DOK5: variants seen among roughly 807,000 people sequenced by gnomAD.
DOK5 encodes the protein docking protein 5.
In DOK5, 27 loss-of-function variants were observed where a neutral mutation model predicts 43.3. The observed-to-expected ratio is 0.62, with a 90% CI of 0.46 to 0.86. The LOEUF (loss-of-function observed/expected upper bound fraction) is 0.86. DOK5 is among the 40% of genes least tolerant of loss of function. The pLI is 0.00. For synonymous variants in DOK5, 146 were observed against 140.1 expected (o/e 1.04, Z -0.30); for missense variants, 373 against 392.9 (o/e 0.95, Z 0.43).
In DOK5 at chr20:54,606,907, C is replaced by T. The variant is rs141977652; in HGVS notation, c.600-3481C>T. Among the ~76,000 whole-genome samples the T allele has an allele frequency of 2.0e-5, 3 of 152,292 alleles. No homozygotes were observed. The East Asian group carries it at 5.8e-4, about 29-fold the overall frequency. ...GGCCTCATTTCTGTTCTATTTAGAGCTCTTAATGCATTTTGTGTCTTTAAT... is the reference window on the plus strand; with the variant it reads ...GGCCTCATTTCTGTTCTATTTAGAGTTCTTAATGCATTTTGTGTCTTTAAT... On this transcript the variant is annotated intron_variant, in intron 5 of 7. Coordinates refer to ENST00000262593, the MANE Select transcript of DOK5 (RefSeq NM_018431.5).
chr20:54,581,001 T>C (rs538631892), intron 2 of DOK5, among the ~76,000 whole-genome samples: 2 of 152,284 alleles, frequency 1.3e-5, no homozygotes, highest in African/African-American at 4.8e-5. Flanking sequence ...AGGAGTTTTA[T>C]AGTTTCAGGT....
In DOK5 at chr20:54,643,516, G is replaced by A. The variant is rs747068226; in HGVS notation, c.794G>A (p.Arg265His). The A allele has an allele frequency of 7.4e-6, 12 of 1,613,390 alleles. No individual in the cohort carries two copies. The highest frequency in any genetic ancestry group is 6.7e-5 in the East Asian group (3 of 44,884). The change falls in exon 7 of 8, where the codon CGC (arginine) becomes CAC (histidine). Residue 265 changes from arginine (R) to histidine (H), a missense_variant. Transcript: ENST00000262593. ...ASLSTMVPLP[R>H]SAYWQHITRQ... Reference sequence around the variant, plus strand: ...CTGAGCACCATGGTGCCCCTGCCTCGCAGCGCCTACTGGCAGCACATCACA... The same window carrying A: ...CTGAGCACCATGGTGCCCCTGCCTCACAGCGCCTACTGGCAGCACATCACA...
chr20:54,562,277 A>T (rs1042587439), intron 2 of DOK5, among the ~76,000 whole-genome samples: 1 of 152,206 alleles, frequency 6.6e-6, no homozygotes, highest in Non-Finnish European at 1.5e-5. Flanking sequence ...TAGAAATGTT[A>T]GGGAACCCTG....
At chr20:54,487,738 T>G (rs34310366) in intron 1 of DOK5, among the ~76,000 whole-genome samples, 11,437 of 152,200 alleles carry the variant, frequency 0.075, 520 homozygotes, top group Middle Eastern at 0.13. Flanking sequence ...CTTACAAGAC[T>G]TTCCTCTGAT....
chr20:54,535,386 C>T (rs1983927905), intron 1 of DOK5, among the ~76,000 whole-genome samples: 1 of 152,046 alleles, frequency 6.6e-6, no homozygotes, highest in South Asian at 2.1e-4. Context: ...TGAGCCTTCT[C>T]ACAAAATGTC....
intron 2 of DOK5, among the ~76,000 whole-genome samples, chr20:54,587,788 A>G (rs1230510264): frequency 6.6e-6 from 1 of 152,172 alleles, no homozygotes; most frequent in East Asian, 1.9e-4. Context: ...CCCTGCTAGG[A>G]AGAAGGCGCC....
chr20:54,606,926 C>T (rs1267764433), intron 5 of DOK5, among the ~76,000 whole-genome samples: 1 of 152,210 alleles, frequency 6.6e-6, no homozygotes, highest in East Asian at 1.9e-4. Context: ...CATTTTGTGT[C>T]TTTAATGCAC....
chr20:54,502,067 C>T lies in DOK5; in HGVS notation c.66+26055C>T, dbSNP rs531984959. Among the ~76,000 whole-genome samples the T allele has an allele frequency of 3.9e-5, 6 of 152,304 alleles. No individual in the cohort carries two copies. In the East Asian group the frequency reaches 5.8e-4, roughly 15 times the overall value. ...ACTGGGAAGGTTAATAAAGAGAGAG[C>T]GTGCTCATTTGAGTCAGTTCTGTAC... On this transcript the variant is annotated intron_variant, in intron 1 of 7. Transcript: ENST00000262593.
chr20:54,620,810 T>G (rs1371478928), intron 6 of DOK5, among the ~76,000 whole-genome samples: 2 of 152,130 alleles, frequency 1.3e-5, no homozygotes, highest in Non-Finnish European at 2.9e-5. Flanking sequence ...AACAAGTATT[T>G]GCTGAGCCCT....
intron 1 of DOK5, among the ~76,000 whole-genome samples, chr20:54,539,785 C>G (rs1206687745): frequency 6.6e-6 from 1 of 152,084 alleles, no homozygotes. Context: ...GCCAAACTGC[C>G]CAATCAACAG....
intron 2 of DOK5, among the ~76,000 whole-genome samples, chr20:54,563,664 GTTTTTT>G (rs76886127): frequency 2.6e-5 from 3 of 114,354 alleles, no homozygotes; most frequent in African/African-American, 6.8e-5. Flanking sequence ...TATTTGTCAG[GTTTTTT>G]TTTTTTTTTT....
chr20:54,637,215 G>T (rs1978865772), intron 6 of DOK5, among the ~76,000 whole-genome samples: 1 of 152,142 alleles, frequency 6.6e-6, no homozygotes, highest in African/African-American at 2.4e-5. Context: ...TGCTTTTTGT[G>T]CATTCAGAAC....
At chr20:54,546,383 C>T (rs769445859) in intron 1 of DOK5, among the ~76,000 whole-genome samples, 40 of 152,128 alleles carry the variant, frequency 2.6e-4, no homozygotes, top group Non-Finnish European at 2.5e-4. Context: ...TCAGTCAGCA[C>T]TGTGAGGATA....
intron 1 of DOK5, among the ~76,000 whole-genome samples, chr20:54,530,353 G>A (rs182673460): frequency 3.4e-4 from 52 of 152,304 alleles, no homozygotes; most frequent in African/African-American, 1.2e-3. Flanking sequence ...CTGCAAAGCT[G>A]TTTTCTATGG....
At position 54,475,701 on chromosome 20, in the gene DOK5, G is replaced by T; in HGVS notation, c.-246G>T. 1.8e-6 allele frequency: 1 copy of T among 567,486 alleles called. No individual in the cohort carries two copies. The highest frequency in any genetic ancestry group is 3.1e-5 in the East Asian group (1 of 32,154). 35.2% of individuals were successfully genotyped at this position (567,486 alleles called of 1,614,324 possible). A position where few individuals can be genotyped will look rare whatever the true frequency, so the allele number is the denominator to read the frequency against. ...GGAGTCAGCTGACGCCGGCGCTCCA[G>T]CCTCGCCTCCCCGCGCCGCGCTCTG... On this transcript the variant is annotated 5_prime_UTR_variant, in exon 1 of 8. Transcript: ENST00000262593. This position sits in a 1 kb window ranked among gnomAD's most constrained non-coding sequence, Gnocchi z 4.2.
At chr20:54,521,312 AT>A (rs1983386484) in intron 1 of DOK5, among the ~76,000 whole-genome samples, 1 of 152,024 alleles carries the variant, frequency 6.6e-6, no homozygotes, top group Non-Finnish European at 1.5e-5. Flanking sequence ...GCTTGTAGAG[AT>A]CCCGCTGGTT....
intron 1 of DOK5, among the ~76,000 whole-genome samples, chr20:54,527,393 C>T (rs1272291064): frequency 6.6e-6 from 1 of 152,170 alleles, no homozygotes; most frequent in Non-Finnish European, 1.5e-5. Context: ...AATTCCCTGG[C>T]TGTTACCAGG....
chr20:54,608,362 A>G (rs573056658), intron 5 of DOK5, among the ~76,000 whole-genome samples: 23 of 152,354 alleles, frequency 1.5e-4, no homozygotes, highest in African/African-American at 5.3e-4. Context: ...ACAAATTAAT[A>G]TTTCCTAATT....
intron 2 of DOK5, among the ~76,000 whole-genome samples, chr20:54,564,644 C>T (rs1484601145): frequency 6.6e-6 from 1 of 151,998 alleles, no homozygotes; most frequent in Non-Finnish European, 1.5e-5. Flanking sequence ...AATACATATA[C>T]CATGTAGTAT....
Sources: gnomAD v4.1 joint callset for allele counts (sites outside exome capture counted in the v4.1 genomes callset) on GRCh38, gnomAD v4.1.1 for gene constraint, Gnocchi (gnomAD v3.1) non-coding constraint, MANE v1.5 for transcripts, NCBI Gene and HGNC (gene_info 2026-07-23, HGNC 2026-07-21) for gene names.